Variants in RBFOX1 observed in about 807,000 individuals in gnomAD.
RBFOX1 encodes the protein RNA binding protein fox-1 homolog 1.
RBFOX1 carries 8 observed loss-of-function variants against 57.7 expected under a neutral mutation model. The observed-to-expected ratio is 0.14, with a 90% CI of 0.08 to 0.25. The LOEUF (loss-of-function observed/expected upper bound fraction) is 0.25, where lower values mean the gene tolerates loss of function less well. RBFOX1 is among the 10% of genes least tolerant of loss of function. RBFOX1 has a pLI of 1.00. For synonymous variants in RBFOX1, 326 were observed against 222.4 expected, an observed-to-expected ratio of 1.47 and a Z score of -4.15; for missense variants, 611 against 548.5, an observed-to-expected ratio of 1.11 and a Z score of -1.14.
At chr16:6,445,656 C>T (rs564395107) in intron 2 of RBFOX1, among the ~76,000 whole-genome samples, 1 of 148,804 alleles carries the variant, frequency 6.7e-6, no homozygotes, top group Non-Finnish European at 1.5e-5. Context: ...AATCTGGGCT[C>T]ACAGCAACCT....
intron 1 of RBFOX1, among the ~76,000 whole-genome samples, chr16:6,118,723 TTCTC>T (rs142211309): frequency 0.019 from 2,656 of 143,458 alleles, 91 homozygotes; most frequent in African/African-American, 0.068. Flanking sequence ...TTCTCCCTCT[TTCTC>T]TCTCTCTCTC....
At chr16:6,316,463 G>A (rs2081134079) in intron 1 of RBFOX1, among the ~76,000 whole-genome samples, 1 of 152,128 alleles carries the variant, frequency 6.6e-6, no homozygotes, top group African/African-American at 2.4e-5. Flanking sequence ...TGAACTTTAA[G>A]TAAGTATCAC....
intron 3 of RBFOX1, among the ~76,000 whole-genome samples, chr16:6,742,627 C>T (rs920272911): frequency 4.6e-5 from 7 of 152,214 alleles, no homozygotes; most frequent in Non-Finnish European, 1.0e-4. Flanking sequence ...GTGAGATACC[C>T]GTACTGTGAA....
chr16:7,225,986 T>A (rs1287652612), intron 4 of RBFOX1, among the ~76,000 whole-genome samples: 1 of 151,508 alleles, frequency 6.6e-6, no homozygotes, highest in East Asian at 1.9e-4. Flanking sequence ...CAAATGGCGA[T>A]GCTCTAAGGA....
intron 3 of RBFOX1, among the ~76,000 whole-genome samples, chr16:5,805,690 G>GC (rs2055202810): frequency 6.6e-6 from 1 of 152,226 alleles, no homozygotes; most frequent in East Asian, 1.9e-4. Flanking sequence ...GCAGAACTCA[G>GC]AGGGCTATAG....
chr16:7,486,483 C>T (rs968665590), intron 4 of RBFOX1, among the ~76,000 whole-genome samples: 2 of 151,904 alleles, frequency 1.3e-5, no homozygotes, highest in African/African-American at 4.8e-5. Context: ...GTTAATCTTA[C>T]CTTGGGCCAG....
rs372761949 is a variant in RBFOX1, at chr16:7,595,618, G to A, written c.538G>A (p.Val180Met). ...GGCGAGGGAGAAATTACACGGCACC[G>A]TGGTAGAGGGCCGTAAAATCGAGGT... ...DRAREKLHGT[V>M]VEGRKIEVNN... Residue 180 changes from valine to methionine, a missense_variant, in exon 8 of 16, where the codon GTG (valine) becomes ATG (methionine). Transcript: ENST00000550418. 13 of 1,580,544 alleles carry A rather than the reference G, an allele frequency of 8.2e-6. No homozygotes were observed. The highest frequency in any genetic ancestry group is 4.1e-5 in the African/African-American group (3 of 74,004).
intron 4 of RBFOX1, among the ~76,000 whole-genome samples, chr16:7,190,349 C>T (rs540093170): frequency 5.1e-4 from 77 of 152,088 alleles, no homozygotes; most frequent in African/African-American, 8.7e-4. Context: ...ACAGAGACTC[C>T]GCCTCAAACA....
intron 3 of RBFOX1, among the ~76,000 whole-genome samples, chr16:6,870,736 A>G (rs1162963517): frequency 6.6e-6 from 1 of 152,190 alleles, no homozygotes; most frequent in Non-Finnish European, 1.5e-5. Flanking sequence ...TTTCACCACC[A>G]AAACTCCTCC....
chr16:6,729,379 A>G (rs2067990941), intron 3 of RBFOX1, among the ~76,000 whole-genome samples: 1 of 152,178 alleles, frequency 6.6e-6, no homozygotes, highest in Non-Finnish European at 1.5e-5. Flanking sequence ...ACTCATTAAT[A>G]AAATAGTTTA....
intron 3 of RBFOX1, among the ~76,000 whole-genome samples, chr16:6,985,037 A>G (rs2089928326): frequency 6.9e-6 from 1 of 144,536 alleles, no homozygotes; most frequent in African/African-American, 2.6e-5. Context: ...TTTGCTGGCC[A>G]GATCCCAATG....
chr16:5,458,834 G>C (rs894018488), intron 1 of RBFOX1, among the ~76,000 whole-genome samples: 4 of 152,148 alleles, frequency 2.6e-5, no homozygotes, highest in Admixed American at 2.6e-4. Flanking sequence ...GTTCCTGATG[G>C]GTACCAGGAA....
At chr16:5,570,934 C>G (rs994464222) in intron 2 of RBFOX1, among the ~76,000 whole-genome samples, 2 of 151,684 alleles carry the variant, frequency 1.3e-5, no homozygotes, top group Non-Finnish European at 1.5e-5. Flanking sequence ...GGTCCAGATG[C>G]TGAGTTTGAT....
chr16:7,376,453 T>C (rs928719577), intron 4 of RBFOX1, among the ~76,000 whole-genome samples: 10 of 152,210 alleles, frequency 6.6e-5, no homozygotes, highest in African/African-American at 2.4e-4. Context: ...TAAGTGATTT[T>C]TGCCTGAGGT....
At chr16:7,655,655 T>C (rs1298846168) in intron 12 of RBFOX1, among the ~76,000 whole-genome samples, 2 of 152,236 alleles carry the variant, frequency 1.3e-5, no homozygotes, top group Non-Finnish European at 2.9e-5. Flanking sequence ...TTTGGGCTCA[T>C]GTAATTACTA....
chr16:7,644,690 C>G (rs550155523), intron 11 of RBFOX1, among the ~76,000 whole-genome samples: 1 of 152,216 alleles, frequency 6.6e-6, no homozygotes, highest in Admixed American at 6.5e-5. Flanking sequence ...ACAGTAGGGA[C>G]CAACATAGAG....
chr16:6,091,778 C>T (rs1275204385), intron 1 of RBFOX1, among the ~76,000 whole-genome samples: 1 of 152,172 alleles, frequency 6.6e-6, no homozygotes, highest in Non-Finnish European at 1.5e-5. Context: ...TTGCAGAGAG[C>T]CAAGATTGCG....
chr16:6,409,768 G>T (rs1285128441), intron 2 of RBFOX1, among the ~76,000 whole-genome samples: 3 of 152,150 alleles, frequency 2.0e-5, no homozygotes. Flanking sequence ...GAAGCTGAGG[G>T]AAAATCAAAA....
rs1567252487 is a variant in RBFOX1, at chr16:6,009,834, G to GTGTGTGTGTGTGTGTGTA, written c.351+142500_351+142501insGTGTGTGTGTGTGTGTAT. On this transcript the variant is annotated intron_variant, in intron 4 of 19. Transcript: ENST00000641259. Reference sequence around the variant, plus strand: ...TGTGTGTCTGTGTGTGTGTGTGTGTGTATAGGGGGATTTGAAAATTCAGAT... The same window carrying GTGTGTGTGTGTGTGTGTA: ...TGTGTGTCTGTGTGTGTGTGTGTGTGTGTGTGTGTGTGTGTGTATATAGGGGGATTTGAAAATTCAGAT... 4.6e-5 allele frequency among the ~76,000 whole-genome samples: 7 copies of GTGTGTGTGTGTGTGTGTA among 152,030 alleles called. No individual in the cohort carries two copies. The East Asian group carries it at 5.8e-4, about 13-fold the overall frequency.
Sources: allele counts gnomAD v4.1 joint callset (sites outside exome capture counted in the v4.1 genomes callset), GRCh38; gene constraint gnomAD v4.1.1; transcripts MANE v1.5; gene names NCBI Gene and HGNC (gene_info 2026-07-23, HGNC 2026-07-21).